The following CAB39 variants were observed in gnomAD, a reference collection of about 807,000 sequenced individuals.
CAB39 encodes the protein calcium-binding protein 39.
A neutral mutation model predicts 40.0 loss-of-function variants in CAB39; 8 were observed. The observed-to-expected ratio is 0.20, with a 90% CI of 0.12 to 0.36. The LOEUF (loss-of-function observed/expected upper bound fraction) is 0.36, where lower values mean the gene tolerates loss of function less well. Among genes scored for constraint, CAB39 ranks in the 10% least tolerant of loss-of-function variants. The pLI is 1.00. For synonymous variants in CAB39, 156 were observed against 141.6 expected, an observed-to-expected ratio of 1.10 and a Z score of -0.72; for missense variants, 270 against 401.1, an observed-to-expected ratio of 0.67 and a Z score of 2.79.
At chr2:230,748,813 G>GAAAAAAAAAAA (rs759314442) in intron 1 of CAB39, among the ~76,000 whole-genome samples, 4 of 31,768 alleles carry the variant, frequency 1.3e-4, no homozygotes, top group African/African-American at 4.3e-4. Flanking sequence ...TTTCCAAAAA[G>GAAAAAAAAAAA]AAAAAAAAAA....
intron 1 of CAB39, among the ~76,000 whole-genome samples, chr2:230,755,587 T>C (rs1037214016): frequency 9.2e-5 from 14 of 152,218 alleles, no homozygotes; most frequent in Non-Finnish European, 1.8e-4. Flanking sequence ...TCCCACTCTG[T>C]GGGTTGTCTG....
At chr2:230,719,182 A>C (rs913313281) in intron 1 of CAB39, among the ~76,000 whole-genome samples, 1 of 152,220 alleles carries the variant, frequency 6.6e-6, no homozygotes, top group African/African-American at 2.4e-5. Context: ...TTGGGGGAAC[A>C]AATTACCGTT....
At chr2:230,804,720 T>G (rs1012926311) in intron 5 of CAB39, among the ~76,000 whole-genome samples, 1 of 152,182 alleles carries the variant, frequency 6.6e-6, no homozygotes, top group Non-Finnish European at 1.5e-5. Context: ...CCAGTTAGAA[T>G]GGCGATCATT....
At chr2:230,785,719 G>A (rs1032715052) in intron 2 of CAB39, among the ~76,000 whole-genome samples, 20 of 151,796 alleles carry the variant, frequency 1.3e-4, no homozygotes, top group Non-Finnish European at 2.4e-4. Flanking sequence ...TTTTGAGACA[G>A]GGTCTTGCTC....
At chr2:230,716,418 T>C (rs1694351311) in intron 1 of CAB39, among the ~76,000 whole-genome samples, 1 of 152,202 alleles carries the variant, frequency 6.6e-6, no homozygotes, top group Non-Finnish European at 1.5e-5. Context: ...ACTCACAGTT[T>C]AGCCATCTGC....
chr2:230,801,087 T>C (rs1035796111), intron 5 of CAB39, among the ~76,000 whole-genome samples: 4 of 152,062 alleles, frequency 2.6e-5, no homozygotes, highest in African/African-American at 9.7e-5. Flanking sequence ...GCCTGGACTG[T>C]GCATCTCAGG....
Position 230,797,568 on chromosome 2 carries a change from G to A in CAB39, c.399-1161G>A, listed in dbSNP as rs371323944. ...TGGAGGGGGATGAGATTTGATTTGAGACACGTTGAGTTTATGGTAGCCCTT... is the reference window on the plus strand; with the variant it reads ...TGGAGGGGGATGAGATTTGATTTGAAACACGTTGAGTTTATGGTAGCCCTT... On this transcript the variant is annotated intron_variant, in intron 4 of 8. Transcript: ENST00000258418. Among the ~76,000 whole-genome samples the A allele has an allele frequency of 9.2e-5, 14 of 152,058 alleles. No individual in the cohort carries two copies. The East Asian group carries it at 1.5e-3, about 17-fold the overall frequency.
chr2:230,778,674 G>A (rs1246991404), intron 2 of CAB39, among the ~76,000 whole-genome samples: 1 of 152,152 alleles, frequency 6.6e-6, no homozygotes, highest in African/African-American at 2.4e-5. Flanking sequence ...GCTACTTGAA[G>A]AGGTTATTAT....
chr2:230,787,839 T>C (rs1482760620), intron 2 of CAB39, among the ~76,000 whole-genome samples: 9 of 152,176 alleles, frequency 5.9e-5, no homozygotes, highest in Admixed American at 5.2e-4. Context: ...AAGAGATTTA[T>C]GTGGAAGAGA....
chr2:230,736,492 A>C (rs902867516), intron 1 of CAB39, among the ~76,000 whole-genome samples: 1 of 152,214 alleles, frequency 6.6e-6, no homozygotes, highest in African/African-American at 2.4e-5. Context: ...TATCAAATGC[A>C]TGTCTTTTAC....
intron 5 of CAB39, among the ~76,000 whole-genome samples, chr2:230,804,099 C>T (rs61142155): frequency 0.15 from 22,319 of 152,070 alleles, 2,429 homozygotes; most frequent in African/African-American, 0.31. Context: ...ACACCGCACA[C>T]CTACAACCAT....
chr2:230,746,868 A>G (rs1057369374), intron 1 of CAB39, among the ~76,000 whole-genome samples: 1 of 152,230 alleles, frequency 6.6e-6, no homozygotes, highest in Admixed American at 6.5e-5. Context: ...GCAAAGCAGC[A>G]TGCCAAATGT....
intron 1 of CAB39, among the ~76,000 whole-genome samples, chr2:230,726,433 A>G (rs1037241047): frequency 1.3e-5 from 2 of 152,026 alleles, no homozygotes; most frequent in Non-Finnish European, 2.9e-5. Context: ...CGGACTCCCA[A>G]AGTGCTGGGA....
At chr2:230,783,493 G>A (rs1377438800) in intron 2 of CAB39, among the ~76,000 whole-genome samples, 1 of 130,412 alleles carries the variant, frequency 7.7e-6, no homozygotes, top group Non-Finnish European at 1.8e-5. Context: ...TTTTGAGACA[G>A]GGTCTTGCTC....
chr2:230,716,063 T>TA lies in CAB39; in HGVS notation c.-44+2833_-44+2834insA, dbSNP rs200580669. Among the ~76,000 whole-genome samples the TA allele has an allele frequency of 4.5e-3, 685 of 152,354 alleles. 23 individuals are homozygous for TA. Among genetic ancestry groups the TA allele is most frequent in the Admixed American group, 0.039 (597 of 15,308 alleles). ...ATTAGCATTTTCTACTTCAGGTTCTTGTACTAAGTCAGTTTTTTCCCATGT... is the reference window on the plus strand; with the variant it reads ...ATTAGCATTTTCTACTTCAGGTTCTTAGTACTAAGTCAGTTTTTTCCCATGT... On this transcript the variant is annotated intron_variant, in intron 1 of 8. Transcript: ENST00000258418.
chr2:230,811,483 T>TA (rs2124981529), intron 6 of CAB39, among the ~76,000 whole-genome samples: 1 of 152,364 alleles, frequency 6.6e-6, no homozygotes, highest in African/African-American at 2.4e-5. Flanking sequence ...TTCATTGCTT[T>TA]AAAATGGCAG....
intron 5 of CAB39, among the ~76,000 whole-genome samples, chr2:230,808,087 T>A (rs992400652): frequency 2.0e-5 from 3 of 150,944 alleles, no homozygotes; most frequent in Non-Finnish European, 3.0e-5. Flanking sequence ...TTTTTTTTTT[T>A]AATTTTTTTT....
At chr2:230,780,045 A>C (rs1228144021) in intron 2 of CAB39, among the ~76,000 whole-genome samples, 3 of 152,132 alleles carry the variant, frequency 2.0e-5, no homozygotes, top group Admixed American at 6.6e-5. Flanking sequence ...CAGTTCCCTT[A>C]ATTATCGGAT....
chr2:230,740,572 G>T (rs1285451050), intron 1 of CAB39, among the ~76,000 whole-genome samples: 1 of 152,170 alleles, frequency 6.6e-6, no homozygotes, highest in Non-Finnish European at 1.5e-5. Context: ...GGACATGCAG[G>T]GCAGGGGATG....
Sources: allele counts gnomAD v4.1 joint callset (sites outside exome capture counted in the v4.1 genomes callset), GRCh38; gene constraint gnomAD v4.1.1; transcripts MANE v1.5; gene names NCBI Gene and HGNC (gene_info 2026-07-23, HGNC 2026-07-21).